The following ALK variants were observed in gnomAD, a reference collection of about 807,000 sequenced individuals.
The protein encoded by ALK is ALK tyrosine kinase receptor.
Under a neutral mutation model 163.1 loss-of-function variants are expected in ALK, and 74 were observed. The observed-to-expected ratio is 0.45, with a 90% CI of 0.38 to 0.55. ALK has a LOEUF of 0.55. Ranked by LOEUF, ALK falls within the 20% of genes least tolerant of loss-of-function variation. The probability of loss-of-function intolerance (pLI) is 0.00; values close to 1 mark genes in which losing one functional copy is unlikely to be tolerated. For missense variants in ALK, 2,063 were observed against 2,105.3 expected, an observed-to-expected ratio of 0.98 and a Z score of 0.39; for synonymous variants, 960 against 843.2, an observed-to-expected ratio of 1.14 and a Z score of -2.40.
chr2:29,344,230 C>T (rs1667882752), intron 5 of ALK, among the ~76,000 whole-genome samples: 1 of 152,126 alleles, frequency 6.6e-6, no homozygotes, highest in Non-Finnish European at 1.5e-5. Flanking sequence ...TTGGCTGTTT[C>T]AAAACTTAAC....
At chr2:29,654,567 A>G (rs1677126001) in intron 3 of ALK, among the ~76,000 whole-genome samples, 1 of 152,170 alleles carries the variant, frequency 6.6e-6, no homozygotes, top group African/African-American at 2.4e-5. Flanking sequence ...TCACCCTTTG[A>G]GGTTAGGACC....
intron 19 of ALK, chr2:29,224,714 G>C (rs567682895): frequency 4.6e-6 from 1 of 217,926 alleles, no homozygotes; most frequent in African/African-American, 2.2e-5. Context: ...GTAAATTGCC[G>C]AGCACGTAGT....
rs150079995 is a variant in ALK at position 29,676,332 on chromosome 2, T to C, written c.952+18518A>G. ...TTTCTTGGGTAGAAACTGTATACTT[T>C]TGGCTCTTAAATTCTGAGTTAATTT... On this transcript the variant is annotated intron_variant, in intron 3 of 28. Transcript: ENST00000389048. 2.6e-5 allele frequency among the ~76,000 whole-genome samples: 4 copies of C among 152,242 alleles called. No homozygotes were observed. The East Asian group carries it at 7.7e-4, about 29-fold the overall frequency.
chr2:29,367,381 T>C (rs756059876), intron 5 of ALK, among the ~76,000 whole-genome samples: 6 of 152,222 alleles, frequency 3.9e-5, no homozygotes, highest in Non-Finnish European at 7.3e-5. Flanking sequence ...TTGGTAGCTG[T>C]AGAACCATAA....
Position 29,708,279 on chromosome 2 carries a change from G to A in ALK, c.787+9299C>T, listed in dbSNP as rs185044495. 1.5e-3 allele frequency among the ~76,000 whole-genome samples: 224 copies of A among 152,270 alleles called. 1 individual carries two copies. Among genetic ancestry groups the A allele is most frequent in the Non-Finnish European group, 1.5e-3 (103 of 68,006 alleles). Reference sequence around the variant, plus strand: ...AGATGGGGTTTCACCATCTTGGCCAGGCTGGTCTGGAACTCCTGATCTCAG... The same window carrying A: ...AGATGGGGTTTCACCATCTTGGCCAAGCTGGTCTGGAACTCCTGATCTCAG... On this transcript the variant is annotated intron_variant, in intron 2 of 28. Transcript: ENST00000389048.
chr2:29,727,794 A>G (rs1679615145), intron 1 of ALK, among the ~76,000 whole-genome samples: 1 of 152,180 alleles, frequency 6.6e-6, no homozygotes, highest in Non-Finnish European at 1.5e-5. Context: ...TGTTGCTTCC[A>G]TTCATCTTGC....
At chr2:29,902,335 A>G (rs1667437476) in intron 1 of ALK, among the ~76,000 whole-genome samples, 1 of 152,162 alleles carries the variant, frequency 6.6e-6, no homozygotes, top group Non-Finnish European at 1.5e-5. Flanking sequence ...CCCTTGTGCC[A>G]AGGCCTGTGA....
intron 3 of ALK, among the ~76,000 whole-genome samples, chr2:29,609,740 C>G (rs776876352): frequency 5.3e-5 from 8 of 151,774 alleles, no homozygotes; most frequent in Admixed American, 5.2e-4. Flanking sequence ...AACTTCTGGG[C>G]TCAAGCAATT....
chr2:29,820,207 A>G (rs1665011236), intron 1 of ALK, among the ~76,000 whole-genome samples: 1 of 152,214 alleles, frequency 6.6e-6, no homozygotes, highest in African/African-American at 2.4e-5. Context: ...CTCTTGGACC[A>G]CTTGCTCAGG....
intron 4 of ALK, among the ~76,000 whole-genome samples, chr2:29,396,836 G>GTTTTTTTTT (rs10654058): frequency 0.075 from 3,505 of 46,540 alleles, 952 homozygotes; most frequent in Admixed American, 0.094. Context: ...TGTTACTATG[G>GTTTTTTTTT]TTTTTTTTTT....
chr2:29,635,421 TATTATGCAGAG>T (rs1323281464), intron 3 of ALK, among the ~76,000 whole-genome samples: 7 of 152,140 alleles, frequency 4.6e-5, no homozygotes, highest in Non-Finnish European at 8.8e-5. Flanking sequence ...ATTGTACAGA[TATTATGCAGAG>T]ATTATGATGT....
intron 4 of ALK, among the ~76,000 whole-genome samples, chr2:29,498,411 G>A (rs896656563): frequency 6.6e-6 from 1 of 151,998 alleles, no homozygotes; most frequent in African/African-American, 2.4e-5. Context: ...GTCTTGGTAT[G>A]TGGGTGGAGG....
chr2:29,273,480 G>T (rs1031747976), intron 11 of ALK, among the ~76,000 whole-genome samples: 12 of 152,242 alleles, frequency 7.9e-5, no homozygotes, highest in Admixed American at 2.0e-4. Flanking sequence ...ATTAGTCTGA[G>T]TGGCCATTGG....
chr2:29,198,457 C>A (rs980950564), intron 26 of ALK, among the ~76,000 whole-genome samples: 1 of 152,174 alleles, frequency 6.6e-6, no homozygotes, highest in Non-Finnish European at 1.5e-5. Flanking sequence ...ATCCAACAGT[C>A]AGCAGTCCTA....
chr2:29,709,387 G>A (rs1300703323), intron 2 of ALK, among the ~76,000 whole-genome samples: 1 of 152,128 alleles, frequency 6.6e-6, no homozygotes, highest in East Asian at 1.9e-4. Flanking sequence ...TGTAGGTTGG[G>A]AATTGGGAGA....
chr2:29,207,388 T>C (rs1194357276), intron 25 of ALK, 116 bp from the exon 26 acceptor site: 1 of 801,186 alleles, frequency 1.2e-6, no homozygotes, highest in East Asian at 2.6e-5. Flanking sequence ...AGGTCTGAAA[T>C]TAACCATGAG....
intron 1 of ALK, among the ~76,000 whole-genome samples, chr2:29,823,162 C>A (rs1572408435): frequency 6.6e-6 from 1 of 152,146 alleles, no homozygotes; most frequent in Admixed American, 6.5e-5. Flanking sequence ...TCTTTTTTTG[C>A]CTGCTGCCAC....
At chr2:29,313,508 G>A (rs1431427066) in intron 8 of ALK, among the ~76,000 whole-genome samples, 2 of 152,162 alleles carry the variant, frequency 1.3e-5, no homozygotes, top group African/African-American at 4.8e-5. Flanking sequence ...GAAATGAGGT[G>A]GTGGGGCTCT....
intron 1 of ALK, among the ~76,000 whole-genome samples, chr2:29,793,225 T>C (rs1226721143): frequency 6.6e-6 from 1 of 152,178 alleles, no homozygotes; most frequent in Non-Finnish European, 1.5e-5. Flanking sequence ...TCTCATCCGT[T>C]CAAGTTTGAT....
Sources: gnomAD v4.1 joint callset for allele counts (sites outside exome capture counted in the v4.1 genomes callset) on GRCh38, gnomAD v4.1.1 for gene constraint, MANE v1.5 for transcripts, NCBI Gene and HGNC (gene_info 2026-07-23, HGNC 2026-07-21) for gene names.